FHIT: variants seen among roughly 807,000 people sequenced by gnomAD.
FHIT encodes the protein fragile histidine triad diadenosine triphosphatase.
A neutral mutation model predicts 17.9 loss-of-function variants in FHIT; 19 were observed. The observed-to-expected ratio is 1.06, with a 90% CI of 0.74 to 1.56. The LOEUF (loss-of-function observed/expected upper bound fraction) is 1.56. FHIT is among the 40% of genes most tolerant of loss of function. The pLI, the probability that FHIT is intolerant of heterozygous loss-of-function variation, is 0.00. For missense variants in FHIT, 248 were observed against 189.2 expected, an observed-to-expected ratio of 1.31 and a Z score of -1.82; for synonymous variants, 81 against 69.7, an observed-to-expected ratio of 1.16 and a Z score of -0.81.
intron 5 of FHIT, among the ~76,000 whole-genome samples, chr3:60,125,687 TACATATATATATGTACAC>T (rs1343581394): frequency 1.6e-5 from 2 of 122,134 alleles, no homozygotes; most frequent in African/African-American, 2.9e-5. Flanking sequence ...TGTGCGTGTG[TACATATATATATGTACAC>T]ACACACGTAT....
chr3:60,957,330 C>T lies in FHIT; in HGVS notation c.-111+84717G>A, dbSNP rs182017690. Among the ~76,000 whole-genome samples, 1,109 of 150,704 alleles carry T rather than the reference C, an allele frequency of 7.4e-3. 10 individuals carry two copies. Among genetic ancestry groups the T allele is most frequent in the Non-Finnish European group, 0.011 (762 of 67,746 alleles). On this transcript the variant is annotated intron_variant, in intron 3 of 9. Transcript: ENST00000492590. ...TCAGCTCACTGCAACCTCCGCCTCC[C>T]GGGTTCAAGCGATTCTCCTGCCTCA...
intron 3 of FHIT, among the ~76,000 whole-genome samples, chr3:60,883,805 A>G (rs1178167508): frequency 6.6e-6 from 1 of 152,192 alleles, no homozygotes; most frequent in African/African-American, 2.4e-5. Context: ...GGTCTGGGCA[A>G]AGATTTTTTG....
chr3:59,779,906 C>A (rs1275460041), intron 8 of FHIT, among the ~76,000 whole-genome samples: 1 of 152,182 alleles, frequency 6.6e-6, no homozygotes, highest in Non-Finnish European at 1.5e-5. Flanking sequence ...AAGTGCATGA[C>A]CACACGGACA....
At chr3:61,087,320 C>T (rs982378170) in intron 2 of FHIT, among the ~76,000 whole-genome samples, 2 of 152,080 alleles carry the variant, frequency 1.3e-5, no homozygotes, top group Non-Finnish European at 2.9e-5. Flanking sequence ...TATGTAACAC[C>T]TTTGGGGACC....
At chr3:59,975,969 C>G (rs1708392195) in intron 7 of FHIT, among the ~76,000 whole-genome samples, 1 of 152,076 alleles carries the variant, frequency 6.6e-6, no homozygotes, top group South Asian at 2.1e-4. Context: ...CCCAGACAAC[C>G]TAGGTGATTA....
At chr3:59,929,461 C>T (rs1465172095) in intron 7 of FHIT, among the ~76,000 whole-genome samples, 1 of 149,204 alleles carries the variant, frequency 6.7e-6, no homozygotes, top group Non-Finnish European at 1.5e-5. Flanking sequence ...ACCTCTGCCT[C>T]CCAAGTTCAA....
intron 8 of FHIT, among the ~76,000 whole-genome samples, chr3:59,808,381 C>G (rs1038723937): frequency 3.9e-5 from 6 of 152,102 alleles, no homozygotes; most frequent in African/African-American, 1.4e-4. Flanking sequence ...CTCTTCAGGG[C>G]TTTTCTGACC....
Position 59,827,304 on chromosome 3 carries a change from T to C in FHIT, c.349-74983A>G, listed in dbSNP as rs529836464. Among the ~76,000 whole-genome samples, 7 of 152,242 alleles carry C rather than the reference T, an allele frequency of 4.6e-5. No homozygotes were observed. The South Asian group carries it at 1.0e-3, about 23-fold the overall frequency. Reference sequence around the variant, plus strand: ...ATGATGGACAAACTGCTGAGTTAAATTGGAATAACACAGGCCAAGAGAATC... The same window carrying C: ...ATGATGGACAAACTGCTGAGTTAAACTGGAATAACACAGGCCAAGAGAATC... On this transcript the variant is annotated intron_variant, in intron 8 of 9. Transcript: ENST00000492590.
chr3:60,523,283 C>T (rs2035444254), intron 5 of FHIT, among the ~76,000 whole-genome samples: 1 of 152,092 alleles, frequency 6.6e-6, no homozygotes, highest in Non-Finnish European at 1.5e-5. Context: ...ACTTTTGGTC[C>T]ATCTTACTTT....
intron 8 of FHIT, among the ~76,000 whole-genome samples, chr3:59,787,547 C>A (rs1367154500): frequency 6.6e-6 from 1 of 151,384 alleles, no homozygotes; most frequent in Admixed American, 6.6e-5. Context: ...GCTTCTCCCT[C>A]TTTATGAAAA....
At chr3:60,640,386 T>TA (rs1250301410) in intron 4 of FHIT, among the ~76,000 whole-genome samples, 2 of 152,176 alleles carry the variant, frequency 1.3e-5, no homozygotes, top group Non-Finnish European at 2.9e-5. Context: ...TAAAAACAGA[T>TA]AAAATCAATC....
intron 3 of FHIT, among the ~76,000 whole-genome samples, chr3:60,955,664 T>G (rs1553778637): frequency 1.9e-5 from 2 of 106,630 alleles, no homozygotes; most frequent in Non-Finnish European, 3.9e-5. Flanking sequence ...ATGTGACAAA[T>G]TTATTTCAAA....
rs1248518414 is a variant in FHIT, at chr3:60,895,661, CCTTCCTTTCTTTCTTT to C, written c.-110-73666_-110-73651del. 3.7e-3 allele frequency among the ~76,000 whole-genome samples: 515 copies of C among 139,160 alleles called. 5 individuals are homozygous for C. The highest frequency in any genetic ancestry group is 0.014 in the African/African-American group (473 of 34,154). 91.3% of individuals were successfully genotyped at this position (139,160 alleles called of 152,430 possible). A position where few individuals can be genotyped will look rare whatever the true frequency, so the allele number is the denominator to read the frequency against. The stretch of plus-strand genomic sequence containing the variant: ...CTTTCCTTCCTTTCCCTCCTTCCTT[CCTTCCTTTCTTTCTTT>C]CTTTCTTTCTTTCTTTCTTTCTTTC... On this transcript the variant is annotated intron_variant, in intron 3 of 9. Coordinates refer to ENST00000492590, the MANE Select transcript of FHIT (RefSeq NM_002012.4).
intron 5 of FHIT, among the ~76,000 whole-genome samples, chr3:60,517,760 A>G (rs2035215462): frequency 6.6e-6 from 1 of 152,188 alleles, no homozygotes; most frequent in South Asian, 2.1e-4. Context: ...TGTCTTTTCA[A>G]TATTACCCCT....
intron 3 of FHIT, among the ~76,000 whole-genome samples, chr3:60,924,440 G>A (rs1707465853): frequency 6.6e-6 from 1 of 152,154 alleles, no homozygotes; most frequent in Admixed American, 6.5e-5. Flanking sequence ...TGAAACACAG[G>A]CAAACAGGGT....
chr3:60,455,464 A>C (rs400475), intron 5 of FHIT, among the ~76,000 whole-genome samples: 76,638 of 152,008 alleles, frequency 0.5, 21,632 homozygotes, highest in African/African-American at 0.75. Flanking sequence ...AACCAACCAA[A>C]TGAACCAATT....
At chr3:60,069,738 C>T (rs1050487566) in intron 5 of FHIT, among the ~76,000 whole-genome samples, 2 of 152,138 alleles carry the variant, frequency 1.3e-5, no homozygotes, top group African/African-American at 4.8e-5. Context: ...AATATTCATC[C>T]TTCTCAGCCA....
In FHIT at chr3:59,914,417, G is replaced by A. The variant is rs560713707; in HGVS notation, c.348+7929C>T. On this transcript the variant is annotated intron_variant, in intron 8 of 9. Coordinates refer to ENST00000492590, the MANE Select transcript of FHIT (RefSeq NM_002012.4). ...CAGGACTCTATGTCTCCAAAAGCAGGCAACTTGGAGGCCTTAGGATTCCTT... is the reference window on the plus strand; with the variant it reads ...CAGGACTCTATGTCTCCAAAAGCAGACAACTTGGAGGCCTTAGGATTCCTT... Among the ~76,000 whole-genome samples the A allele has an allele frequency of 3.3e-5, 5 of 152,200 alleles. No individual in the cohort carries two copies. The East Asian group carries it at 9.6e-4, about 29-fold the overall frequency.
intron 4 of FHIT, among the ~76,000 whole-genome samples, chr3:60,600,320 G>C (rs1340318123): frequency 1.3e-5 from 2 of 149,528 alleles, no homozygotes; most frequent in African/African-American, 2.5e-5. Context: ...AAGCCTACTT[G>C]ATTAAAAAAA....
Sources: gnomAD v4.1 joint callset for allele counts (sites outside exome capture counted in the v4.1 genomes callset) on GRCh38, gnomAD v4.1.1 for gene constraint, MANE v1.5 for transcripts, NCBI Gene and HGNC (gene_info 2026-07-23, HGNC 2026-07-21) for gene names.